The following ARFIP1 variants were observed in gnomAD, a reference collection of about 807,000 sequenced individuals.
ARFIP1 encodes the protein arfaptin-1.
Under a neutral mutation model 42.5 loss-of-function variants are expected in ARFIP1, and 24 were observed. That is an observed-to-expected ratio of 0.57 (90% CI 0.41 to 0.80). The LOEUF (loss-of-function observed/expected upper bound fraction) is 0.80. ARFIP1 is among the 30% of genes least tolerant of loss of function. The pLI is 0.00. For missense variants in ARFIP1, 354 were observed against 434.0 expected, an observed-to-expected ratio of 0.82 and a Z score of 1.64; for synonymous variants, 141 against 153.7, an observed-to-expected ratio of 0.92 and a Z score of 0.61.
intron 8 of ARFIP1, among the ~76,000 whole-genome samples, chr4:152,897,177 A>T (rs528921416): frequency 1.9e-4 from 29 of 152,338 alleles, no homozygotes; most frequent in African/African-American, 7.0e-4. Context: ...TGTGAGTTGT[A>T]GGTTGATTTT....
chr4:152,864,913 C>CTTT (rs34123163), intron 3 of ARFIP1, among the ~76,000 whole-genome samples: 22 of 112,448 alleles, frequency 2.0e-4, no homozygotes, highest in East Asian at 5.3e-4. Flanking sequence ...CTTTTTTAAA[C>CTTT]TTTTTTTTTT....
At chr4:152,811,506 C>A (rs1363674147) in intron 1 of ARFIP1, among the ~76,000 whole-genome samples, 1 of 152,050 alleles carries the variant, frequency 6.6e-6, no homozygotes, top group Non-Finnish European at 1.5e-5. Context: ...GCATTGTGAA[C>A]AATTTCAGCA....
intron 1 of ARFIP1, among the ~76,000 whole-genome samples, chr4:152,821,344 C>T (rs547269977): frequency 5.3e-5 from 8 of 152,134 alleles, no homozygotes; most frequent in Non-Finnish European, 1.0e-4. Context: ...GGAACTACAA[C>T]ATGCAGTGGC....
At chr4:152,883,566 C>T (rs542655797) in intron 7 of ARFIP1, among the ~76,000 whole-genome samples, 68 of 151,880 alleles carry the variant, frequency 4.5e-4, no homozygotes, top group African/African-American at 1.6e-3. Context: ...GATAACTGTT[C>T]ATAATGCAGT....
intron 2 of ARFIP1, among the ~76,000 whole-genome samples, chr4:152,835,448 G>A (rs1249898507): frequency 1.3e-5 from 2 of 152,174 alleles, no homozygotes; most frequent in African/African-American, 4.8e-5. Context: ...TATACCATGG[G>A]TGACTTTTAC....
At chr4:152,866,014 C>T (rs1305093678) in intron 3 of ARFIP1, among the ~76,000 whole-genome samples, 5 of 152,002 alleles carry the variant, frequency 3.3e-5, no homozygotes, top group African/African-American at 7.2e-5. Context: ...GAGGACCCTG[C>T]GGCCTTCCGC....
At chr4:152,819,197 T>C (rs1218409647) in intron 1 of ARFIP1, among the ~76,000 whole-genome samples, 1 of 152,142 alleles carries the variant, frequency 6.6e-6, no homozygotes, top group Non-Finnish European at 1.5e-5. Flanking sequence ...TCCTGGCTGA[T>C]GGACAGCTGG....
At chr4:152,848,763 G>T (rs1415285271) in intron 2 of ARFIP1, among the ~76,000 whole-genome samples, 3 of 152,184 alleles carry the variant, frequency 2.0e-5, no homozygotes, top group Non-Finnish European at 2.9e-5. Context: ...CTCAATAAAA[G>T]AATGAATTCT....
At chr4:152,880,932 T>G in intron 5 of ARFIP1, 31 bp from the exon 6 acceptor site, 1 of 1,554,642 alleles carries the variant, frequency 6.4e-7, no homozygotes, top group Non-Finnish European at 8.8e-7. Flanking sequence ...TTGTTTTTTC[T>G]TTCTAAACAA....
At chr4:152,834,055 A>G (rs990910532) in intron 2 of ARFIP1, among the ~76,000 whole-genome samples, 2 of 152,196 alleles carry the variant, frequency 1.3e-5, no homozygotes, top group African/African-American at 2.4e-5. Flanking sequence ...GGCACATCAC[A>G]TGGTGAGAGA....
intron 1 of ARFIP1, among the ~76,000 whole-genome samples, chr4:152,784,431 T>G (rs1029892370): frequency 6.6e-5 from 10 of 152,258 alleles, no homozygotes; most frequent in African/African-American, 2.4e-4. Flanking sequence ...CCATTCCTTC[T>G]AAGCCTTTGT....
In ARFIP1 at chr4:152,809,426, C is replaced by G. The variant is rs73865248; in HGVS notation, c.-9-20199C>G. On this transcript the variant is annotated intron_variant, in intron 1 of 8. Coordinates refer to ENST00000353617, the MANE Select transcript of ARFIP1 (RefSeq NM_001025595.3). ...TCCTCAGCAATACAAAAGGAATGAA[C>G]TACTGATGCATGCAACAACTCTTGA... Among the ~76,000 whole-genome samples, 648 of 152,230 alleles carry G rather than the reference C, an allele frequency of 4.3e-3. 4 individuals are homozygous for G. The highest frequency in any genetic ancestry group is 0.015 in the African/African-American group (606 of 41,542).
chr4:152,904,760 G>A (rs1000044015), intron 8 of ARFIP1, among the ~76,000 whole-genome samples: 2 of 152,102 alleles, frequency 1.3e-5, no homozygotes, highest in Non-Finnish European at 2.9e-5. Flanking sequence ...GTATTCCATG[G>A]TGTATATGTA....
At chr4:152,873,512 G>T (rs1187573805) in intron 5 of ARFIP1, among the ~76,000 whole-genome samples, 1 of 152,146 alleles carries the variant, frequency 6.6e-6, no homozygotes, top group East Asian at 1.9e-4. Context: ...TGTAGAATCT[G>T]AGAAATCCCA....
rs144933936 is a variant in ARFIP1 at position 152,851,873 on chromosome 4, A to G, written c.94-11733A>G. Reference sequence around the variant, plus strand: ...AACTTATGTTTTTAATGTCATAATTATAGTAACCTCTATTAAAATATGCAA... The same window carrying G: ...AACTTATGTTTTTAATGTCATAATTGTAGTAACCTCTATTAAAATATGCAA... On this transcript the variant is annotated intron_variant, in intron 2 of 8. Coordinates refer to ENST00000353617, the MANE Select transcript of ARFIP1 (RefSeq NM_001025595.3). Among the ~76,000 whole-genome samples the G allele has an allele frequency of 2.4e-3, 369 of 152,352 alleles. 1 individual carries two copies. Among genetic ancestry groups the G allele is most frequent in the Non-Finnish European group, 4.0e-3 (271 of 68,032 alleles).
chr4:152,895,227 C>T (rs1383230644), intron 8 of ARFIP1, among the ~76,000 whole-genome samples: 1 of 152,060 alleles, frequency 6.6e-6, no homozygotes, highest in Non-Finnish European at 1.5e-5. Flanking sequence ...AGTTGGATTA[C>T]AATAGTGATA....
At chr4:152,822,223 G>A (rs770753904) in intron 1 of ARFIP1, among the ~76,000 whole-genome samples, 17 of 142,028 alleles carry the variant, frequency 1.2e-4, no homozygotes, top group Non-Finnish European at 1.7e-4. Flanking sequence ...AAAAGATTTC[G>A]CACAAGTTGA....
At chr4:152,787,586 T>C (rs534100967) in intron 1 of ARFIP1, among the ~76,000 whole-genome samples, 15 of 152,392 alleles carry the variant, frequency 9.8e-5, no homozygotes, top group African/African-American at 2.9e-4. Flanking sequence ...ACGGGAATGA[T>C]AGTGATGTCA....
chr4:152,888,650 G>A (rs537763473), intron 8 of ARFIP1, among the ~76,000 whole-genome samples: 1 of 152,188 alleles, frequency 6.6e-6, no homozygotes, highest in Admixed American at 6.5e-5. Context: ...TTAATGATAG[G>A]TACAGATTTC....
Sources: allele counts gnomAD v4.1 joint callset (sites outside exome capture counted in the v4.1 genomes callset), GRCh38; gene constraint gnomAD v4.1.1; transcripts MANE v1.5; gene names NCBI Gene and HGNC (gene_info 2026-07-23, HGNC 2026-07-21).